The following POC1B variants were observed in gnomAD, a reference collection of about 807,000 sequenced individuals.
The protein encoded by POC1B is POC1 centriolar protein homolog B.
A neutral mutation model predicts 60.6 loss-of-function variants in POC1B; 44 were observed. That is an observed-to-expected ratio of 0.73 (90% CI 0.57 to 0.93). The LOEUF (loss-of-function observed/expected upper bound fraction) is 0.93, where lower values mean the gene tolerates loss of function less well. POC1B is among the 40% of genes least tolerant of loss of function. The pLI is 0.00. For missense variants in POC1B, 555 were observed against 572.3 expected, an observed-to-expected ratio of 0.97 and a Z score of 0.31; for synonymous variants, 180 against 198.9, an observed-to-expected ratio of 0.90 and a Z score of 0.80.
intron 1 of POC1B, chr12:89,525,508 G>A: frequency 7.6e-7 from 1 of 1,317,282 alleles, no homozygotes. Context: ...CCCGCCCGCT[G>A]GCCCAAGGCA....
At chr12:89,403,608 C>G in the POC1B span, among the ~76,000 whole-genome samples, 79 of 152,232 alleles carry the variant, frequency 5.2e-4, no homozygotes, top group African/African-American at 1.8e-3. Flanking sequence ...AGAATTACTT[C>G]TACATGTCCC....
chr12:89,472,246 G>T lies in POC1B; in HGVS notation c.482C>A (p.Ser161Ter). The change falls in exon 5 of 12, where the codon TCA becomes TAA. Residue 161 changes from serine to a stop codon, truncating the protein, a stop_gained. Coordinates refer to ENST00000313546, the MANE Select transcript of POC1B (RefSeq NM_172240.3). LOFTEE classifies it high-confidence loss of function. ...TTTAATAGTTTTATCCTCACTACAT[G>T]ACACAATTAGTCTTCCATCGGGTGA... ...KFSPDGRLIV[S>*]CSEDKTIKIW... 6.2e-7 allele frequency: 1 copy of T among 1,604,756 alleles called. No individual in the cohort carries two copies. The highest frequency in any genetic ancestry group is 1.1e-5 in the South Asian group (1 of 90,438).
intron 2 of POC1B, among the ~76,000 whole-genome samples, chr12:89,503,730 CCCGT>C (rs1869729947): frequency 1.3e-5 from 2 of 151,860 alleles, no homozygotes; most frequent in Admixed American, 6.5e-5. Context: ...GCCCGGCCGC[CCCGT>C]CTGAGAAGTG....
chr12:89,521,005 G>A (rs1386173132), intron 2 of POC1B: 4 of 151,706 alleles, frequency 2.6e-5, no homozygotes, highest in Non-Finnish European at 5.9e-5. Context: ...AACAAAATTG[G>A]TTCAACAATT....
chr12:89,410,091 A>T, the POC1B span, among the ~76,000 whole-genome samples: 4 of 152,230 alleles, frequency 2.6e-5, no homozygotes, highest in South Asian at 2.1e-4. Context: ...GCAGCACATC[A>T]AAAAGCCTAT....
chr12:89,449,229 A>T (rs953482237), intron 10 of POC1B, among the ~76,000 whole-genome samples: 21 of 152,170 alleles, frequency 1.4e-4, no homozygotes, highest in African/African-American at 4.8e-4. Context: ...TGTGTCTGTG[A>T]GGAAGTTACC....
intron 2 of POC1B, among the ~76,000 whole-genome samples, chr12:89,516,209 G>T (rs572691031): frequency 1.3e-5 from 2 of 151,878 alleles, no homozygotes; most frequent in Non-Finnish European, 2.9e-5. Context: ...CTACTATAAC[G>T]GCTTTCCCTC....
Position 89,421,039 on chromosome 12 carries a change from T to C in POC1B, c.*114A>G. The C allele has an allele frequency of 2.7e-6, 2 of 745,984 alleles. No individual in the cohort carries two copies. The highest frequency in any genetic ancestry group is 2.1e-6 in the Non-Finnish European group (1 of 485,806). The allele number at this position is 745,984 out of a possible 1,614,324, so 46.2% of individuals were successfully genotyped here. ...TTGCTCACCCTTTTAAGAAATGCCA[T>C]GATAAATAGCACATGGTTGTGTTGT... On this transcript the variant is annotated 3_prime_UTR_variant, in exon 12 of 12. Coordinates refer to ENST00000313546, the MANE Select transcript of POC1B (RefSeq NM_172240.3).
At chr12:89,438,801 C>T (rs1881388069) in intron 10 of POC1B, among the ~76,000 whole-genome samples, 2 of 152,196 alleles carry the variant, frequency 1.3e-5, no homozygotes, top group African/African-American at 4.8e-5. Context: ...ATGCAGAATA[C>T]TCACTTATTC....
At chr12:89,508,151 T>C (rs1448362001) in intron 2 of POC1B, among the ~76,000 whole-genome samples, 1 of 152,254 alleles carries the variant, frequency 6.6e-6, no homozygotes. Flanking sequence ...ATGCTTTTTA[T>C]ACAAATGGTA....
chr12:89,503,723 C>T (rs10858887), intron 2 of POC1B, among the ~76,000 whole-genome samples: 67,828 of 99,318 alleles, frequency 0.68, 24,336 homozygotes, highest in Middle Eastern at 0.81. Flanking sequence ...CGTCTCTGCC[C>T]GGCCGCCCCG....
At chr12:89,454,608 C>G (rs1354994799) in intron 10 of POC1B, among the ~76,000 whole-genome samples, 1 of 152,158 alleles carries the variant, frequency 6.6e-6, no homozygotes, top group Non-Finnish European at 1.5e-5. Context: ...CCATGACTTG[C>G]TCCCTTCACT....
intron 6 of POC1B, among the ~76,000 whole-genome samples, chr12:89,470,939 A>AGGAG (rs1882865349): frequency 6.6e-6 from 1 of 152,206 alleles, no homozygotes; most frequent in Non-Finnish European, 1.5e-5. Context: ...TCCTTCCAAC[A>AGGAG]GGAGGCAGTA....
downstream of POC1B, among the ~76,000 whole-genome samples, chr12:89,416,406 A>G (rs1880365465): frequency 6.6e-6 from 1 of 152,254 alleles, no homozygotes; most frequent in Admixed American, 6.5e-5. Flanking sequence ...ATAATGGTGA[A>G]AAGTTCAGCA....
At chr12:89,450,892 T>C (rs1882013444) in intron 10 of POC1B, among the ~76,000 whole-genome samples, 1 of 152,152 alleles carries the variant, frequency 6.6e-6, no homozygotes, top group Admixed American at 6.5e-5. Flanking sequence ...GTACAGCCAT[T>C]ATTTTAACAG....
At chr12:89,476,524 A>G (rs1883110746) in intron 4 of POC1B, among the ~76,000 whole-genome samples, 1 of 152,040 alleles carries the variant, frequency 6.6e-6, no homozygotes, top group Non-Finnish European at 1.5e-5. Flanking sequence ...CCTAGGCAAT[A>G]TGGTGAATCC....
rs577002960 is a variant in POC1B at position 89,468,727 on chromosome 12, T to A, written c.811-1042A>T. On this transcript the variant is annotated intron_variant, in intron 7 of 11. Coordinates refer to ENST00000313546, the MANE Select transcript of POC1B (RefSeq NM_172240.3). ...ATATGCATATATTTAAGCTGGTTAG[T>A]ATTTATTTCTGCTTTACCCTAACAC... 7.9e-5 allele frequency among the ~76,000 whole-genome samples: 12 copies of A among 152,336 alleles called. No homozygotes were observed. The South Asian group carries it at 2.5e-3, about 32-fold the overall frequency.
At chr12:89,435,951 G>T (rs73211632) in intron 10 of POC1B, among the ~76,000 whole-genome samples, 12,088 of 142,140 alleles carry the variant, frequency 0.085, 664 homozygotes, top group Middle Eastern at 0.15. Flanking sequence ...TTGTTTGTTT[G>T]TTTTTTTTTT....
At chr12:89,499,014 G>A (rs142382959) in intron 2 of POC1B, among the ~76,000 whole-genome samples, 4 of 152,196 alleles carry the variant, frequency 2.6e-5, no homozygotes, top group East Asian at 3.9e-4. Context: ...AATAGGGAGC[G>A]ATCCTGGCTG....
Sources: allele counts gnomAD v4.1 joint callset (sites outside exome capture counted in the v4.1 genomes callset), GRCh38; gene constraint gnomAD v4.1.1; transcripts MANE v1.5; gene names NCBI Gene and HGNC (gene_info 2026-07-23, HGNC 2026-07-21).